Variants in ARHGEF10 observed in about 807,000 individuals in gnomAD.
ARHGEF10 encodes Rho guanine nucleotide exchange factor (GEF) 10.
In ARHGEF10, 140 loss-of-function variants were observed where a neutral mutation model predicts 147.4. That is an observed-to-expected ratio of 0.95 (90% CI 0.83 to 1.09). The LOEUF (loss-of-function observed/expected upper bound fraction) is 1.09. ARHGEF10 is among the 50% of genes least tolerant of loss of function. The pLI is 0.00. For synonymous variants in ARHGEF10, 902 were observed against 695.8 expected (o/e 1.30, Z -4.67); for missense variants, 2,222 against 1,752.7 (o/e 1.27, Z -4.78).
chr8:1,899,588 T>C (rs1467459813), intron 15 of ARHGEF10, among the ~76,000 whole-genome samples: 1 of 152,230 alleles, frequency 6.6e-6, no homozygotes, highest in Non-Finnish European at 1.5e-5. Flanking sequence ...TACTAAAATA[T>C]CGACATGGGC....
chr8:1,890,332 C>T (rs897796824), intron 11 of ARHGEF10, among the ~76,000 whole-genome samples: 2 of 143,866 alleles, frequency 1.4e-5, no homozygotes, highest in Non-Finnish European at 3.0e-5. Context: ...TGAGCAGATA[C>T]TGAGTGGGGT....
At chr8:1,901,639 T>A (rs1810471301) in intron 15 of ARHGEF10, among the ~76,000 whole-genome samples, 1 of 152,264 alleles carries the variant, frequency 6.6e-6, no homozygotes, top group Admixed American at 6.5e-5. Context: ...GCCCGGCGGA[T>A]GCCCCCGGCT....
rs369765551 is a variant in ARHGEF10, at chr8:1,860,072, C to G, written c.369C>G (p.Cys123Trp). 3 of 1,614,076 alleles carry G rather than the reference C, an allele frequency of 1.9e-6. No individual in the cohort carries two copies. The highest frequency in any genetic ancestry group is 2.5e-6 in the Non-Finnish European group (3 of 1,179,948). ...EEENVGLHVP[C>W]GYLVPVPCGY... is the part of the protein sequence containing the mutation. ...AGAATGTGGGTCTCCATGTGCCCTGCGGGTACTTGGTGCCTGTACCCTGCG... is the reference window on the plus strand; with the variant it reads ...AGAATGTGGGTCTCCATGTGCCCTGGGGGTACTTGGTGCCTGTACCCTGCG... The change falls in exon 4 of 29, where the codon TGC becomes TGG. Residue 123 changes from cysteine to tryptophan, a missense_variant. Transcript: ENST00000349830.
intron 28 of ARHGEF10, among the ~76,000 whole-genome samples, chr8:1,955,246 C>G (rs1345341204): frequency 2.6e-4 from 39 of 148,524 alleles, no homozygotes; most frequent in Non-Finnish European, 2.8e-4. Context: ...CTCACTGTTC[C>G]TCTGGAGGAT....
intron 1 of ARHGEF10, among the ~76,000 whole-genome samples, chr8:1,834,882 G>A (rs1184915641): frequency 6.6e-6 from 1 of 152,234 alleles, no homozygotes; most frequent in African/African-American, 2.4e-5. Flanking sequence ...CAGAGACCGC[G>A]CAGCCTTGGA....
chr8:1,945,777 C>T (rs1409752929), intron 27 of ARHGEF10, 122 bp downstream of exon 27: 3 of 1,424,526 alleles, frequency 2.1e-6, no homozygotes, highest in African/African-American at 2.8e-5. Context: ...AACATGCTGC[C>T]AGGTAATGGG....
At chr8:1,825,943 C>T in intron 1 of ARHGEF10, 2 of 640,634 alleles carry the variant, frequency 3.1e-6, no homozygotes, top group East Asian at 2.7e-5. Context: ...TTTTGAACAC[C>T]TGCTTTATAG....
chr8:1,946,728 A>T (rs1034011617), intron 27 of ARHGEF10, among the ~76,000 whole-genome samples: 1 of 152,192 alleles, frequency 6.6e-6, no homozygotes, highest in Non-Finnish European at 1.5e-5. Context: ...GTTGAAAAAA[A>T]CCACAATGAT....
At chr8:1,890,036 C>T (rs979471175) in intron 11 of ARHGEF10, among the ~76,000 whole-genome samples, 2 of 142,544 alleles carry the variant, frequency 1.4e-5, no homozygotes, top group African/African-American at 5.3e-5. Flanking sequence ...GGTATTGAGA[C>T]ACTGAGTGGG....
chr8:1,830,324 C>T (rs977774475), intron 1 of ARHGEF10, among the ~76,000 whole-genome samples: 6 of 152,182 alleles, frequency 3.9e-5, no homozygotes, highest in African/African-American at 1.4e-4. Flanking sequence ...GACTCCTGGG[C>T]GTGGCTTCTG....
chr8:1,938,863 A>G (rs1813839720), intron 26 of ARHGEF10, among the ~76,000 whole-genome samples: 1 of 151,924 alleles, frequency 6.6e-6, no homozygotes, highest in Admixed American at 6.6e-5. Context: ...AAATCTGAAC[A>G]CTGTGGAATC....
At chr8:1,823,524 G>C (rs1438223618), upstream of ARHGEF10, among the ~76,000 whole-genome samples, 6 of 152,144 alleles carry the variant, frequency 3.9e-5, no homozygotes, top group Non-Finnish European at 8.8e-5. Context: ...AAAGGGCGGT[G>C]CTCTGGGAGA....
chr8:1,905,553 T>C lies in ARHGEF10; in HGVS notation c.1822-18T>C. Reference sequence around the variant, plus strand: ...GTAAACTGAACTGTGGTCCCTGGGCTGTGTTTTGAATGTCCAGCTTCTCAG... The same window carrying C: ...GTAAACTGAACTGTGGTCCCTGGGCCGTGTTTTGAATGTCCAGCTTCTCAG... On this transcript the variant is annotated intron_variant, in intron 16 of 28. Transcript: ENST00000349830. 6.2e-7 allele frequency: 1 copy of C among 1,614,204 alleles called. No individual in the cohort carries two copies. Among genetic ancestry groups the C allele is most frequent in the South Asian group, 1.1e-5 (1 of 91,086 alleles).
At chr8:1,865,757 G>C (rs114656518) in intron 5 of ARHGEF10, among the ~76,000 whole-genome samples, 1,555 of 152,282 alleles carry the variant, frequency 0.01, 27 homozygotes, top group African/African-American at 0.035. Flanking sequence ...AACATTTTCC[G>C]AGGCCTTCCA....
At position 1,945,475 on chromosome 8, in the gene ARHGEF10, T is replaced by C; in HGVS notation, c.3223-6T>C. 1 of 1,588,890 alleles carries C rather than the reference T, an allele frequency of 6.3e-7. No homozygotes were observed. The highest frequency in any genetic ancestry group is 1.3e-5 in the African/African-American group (1 of 74,266). On this transcript the variant is annotated splice_region_variant and splice_polypyrimidine_tract_variant and intron_variant, in intron 26 of 28. Coordinates refer to ENST00000349830, the MANE Select transcript of ARHGEF10 (RefSeq NM_014629.4). ...GGCTAGCAGACTTGACCTCTCGATT[T>C]CACAGGGTCAGCTGGAGGCCCACCA...
At chr8:1,925,449 C>A (rs778162155) in intron 22 of ARHGEF10, 45 bp downstream of exon 22, 2 of 1,610,962 alleles carry the variant, frequency 1.2e-6, no homozygotes, top group East Asian at 2.2e-5. Flanking sequence ...ACGCACCTCG[C>A]AGCTCTGAAT....
At chr8:1,894,629 T>C (rs1809826080) in intron 13 of ARHGEF10, 57 bp downstream of exon 13, 1 of 1,585,656 alleles carries the variant, frequency 6.3e-7, no homozygotes, top group South Asian at 1.1e-5. Context: ...CTGTCCTCTC[T>C]TCCCTTCTTA....
At chr8:1,934,065 T>TGG in intron 26 of ARHGEF10, 123 bp downstream of exon 26, 1 of 1,320,462 alleles carries the variant, frequency 7.6e-7, no homozygotes, top group Non-Finnish European at 1.1e-6. Context: ...CCGGGCACAG[T>TGG]GGCTCATGCC....
intron 21 of ARHGEF10, among the ~76,000 whole-genome samples, chr8:1,924,583 T>G (rs1262547871): frequency 6.6e-6 from 1 of 152,232 alleles, no homozygotes; most frequent in Non-Finnish European, 1.5e-5. Flanking sequence ...CGGGGAGCTC[T>G]GATTAGTGGA....
Sources: allele counts gnomAD v4.1 joint callset (sites outside exome capture counted in the v4.1 genomes callset), GRCh38; gene constraint gnomAD v4.1.1; transcripts MANE v1.5; gene names NCBI Gene and HGNC (gene_info 2026-07-23, HGNC 2026-07-21).